Variants in TRAF3 observed in about 807,000 individuals in gnomAD.
The protein encoded by TRAF3 is TNF receptor associated factor 3.
In TRAF3, 13 loss-of-function variants were observed where a neutral mutation model predicts 62.3. The ratio of observed to expected loss-of-function variants is 0.21; its 90% CI spans 0.14 to 0.33. The LOEUF (loss-of-function observed/expected upper bound fraction) is 0.33. Ranked by LOEUF, TRAF3 falls within the 10% of genes least tolerant of loss-of-function variation. The pLI is 1.00. For synonymous variants in TRAF3, 269 were observed against 283.4 expected, an observed-to-expected ratio of 0.95 and a Z score of 0.51; for missense variants, 440 against 741.8, an observed-to-expected ratio of 0.59 and a Z score of 4.73.
intron 1 of TRAF3, among the ~76,000 whole-genome samples, chr14:102,810,498 A>G (rs1420190835): frequency 6.6e-6 from 1 of 152,134 alleles, no homozygotes; most frequent in Non-Finnish European, 1.5e-5. Context: ...TTTTTCTGAG[A>G]TGTGCTCTCC....
intron 2 of TRAF3, among the ~76,000 whole-genome samples, chr14:102,854,210 CT>C (rs902304980): frequency 4.3e-4 from 65 of 151,422 alleles, no homozygotes; most frequent in African/African-American, 1.2e-3. Flanking sequence ...GCTGTTTCTA[CT>C]TTTTTTTTCG....
intron 2 of TRAF3, among the ~76,000 whole-genome samples, chr14:102,862,526 G>A (rs1887741831): frequency 6.6e-6 from 1 of 151,634 alleles, no homozygotes; most frequent in Admixed American, 6.6e-5. Flanking sequence ...AGAAATCCTT[G>A]TACTTGAAGA....
At chr14:102,887,956 G>C (rs564678838) in intron 7 of TRAF3, among the ~76,000 whole-genome samples, 84 of 152,202 alleles carry the variant, frequency 5.5e-4, no homozygotes, top group African/African-American at 1.9e-3. Flanking sequence ...GATGAAAGGT[G>C]CTTTTGAGCT....
chr14:102,781,454 C>T (rs1897269134), intron 1 of TRAF3, among the ~76,000 whole-genome samples: 1 of 152,104 alleles, frequency 6.6e-6, no homozygotes, highest in Admixed American at 6.5e-5. Flanking sequence ...TACCATTTTT[C>T]ATTGCAGGTT....
At chr14:102,834,197 G>A (rs1383266416) in intron 2 of TRAF3, among the ~76,000 whole-genome samples, 7 of 152,050 alleles carry the variant, frequency 4.6e-5, no homozygotes, top group Non-Finnish European at 8.8e-5. Flanking sequence ...CGCAACTTCA[G>A]ACTATACTAC....
At chr14:102,810,162 A>G (rs910102128) in intron 1 of TRAF3, among the ~76,000 whole-genome samples, 3 of 152,218 alleles carry the variant, frequency 2.0e-5, no homozygotes, top group Non-Finnish European at 4.4e-5. Flanking sequence ...TGCTTTACCA[A>G]AAAACAAACA....
chr14:102,904,410 T>C (rs1426172719), intron 11 of TRAF3, among the ~76,000 whole-genome samples: 1 of 152,260 alleles, frequency 6.6e-6, no homozygotes, highest in East Asian at 1.9e-4. Flanking sequence ...GGCATGGTGG[T>C]GTGGCCTATA....
intron 1 of TRAF3, among the ~76,000 whole-genome samples, chr14:102,800,981 A>AT (rs747458472): frequency 0.013 from 1,910 of 151,380 alleles, 25 homozygotes; most frequent in Non-Finnish European, 0.02. Context: ...GATCGAGACC[A>AT]CGGTGAAACC....
At chr14:102,884,913 A>G (rs938572184) in intron 6 of TRAF3, among the ~76,000 whole-genome samples, 1 of 152,170 alleles carries the variant, frequency 6.6e-6, no homozygotes, top group African/African-American at 2.4e-5. Flanking sequence ...CAGATTGCCA[A>G]AGATTGTGCG....
chr14:102,903,384 C>G lies in TRAF3; in HGVS notation c.1090C>G (p.Leu364Val). Residue 364 changes from leucine to valine, a missense_variant, in exon 11 of 12, where the codon CTG becomes GTG. This residue lies in a region of TRAF3 where 41 missense variants were observed against 40.0 expected (regional missense o/e 1.03). Coordinates refer to ENST00000392745, the MANE Select transcript of TRAF3 (RefSeq NM_145725.3). The surrounding 1 kb of genome is among the most constrained non-coding windows in gnomAD (Gnocchi z 6.4). ...VESLQNRVTE[L>V]ESVDKSAGQV... ...GTCCCTCCAGAACCGCGTGACCGAG[C>G]TGGAGAGCGTGGACAAGAGCGCGGG... 6.2e-7 allele frequency: 1 copy of G among 1,614,114 alleles called. No individual in the cohort carries two copies. The highest frequency in any genetic ancestry group is 8.5e-7 in the Non-Finnish European group (1 of 1,180,018).
chr14:102,847,426 C>T (rs1886791149), intron 2 of TRAF3, among the ~76,000 whole-genome samples: 1 of 152,124 alleles, frequency 6.6e-6, no homozygotes, highest in South Asian at 2.1e-4. Flanking sequence ...CCACCCTCCT[C>T]GACCTCCCAA....
rs558935644 is a variant in TRAF3, at chr14:102,896,451, G to A, written c.820-810G>A. Among the ~76,000 whole-genome samples the A allele has an allele frequency of 3.9e-5, 6 of 152,038 alleles. No homozygotes were observed. The East Asian group carries it at 1.2e-3, about 29-fold the overall frequency. On this transcript the variant is annotated intron_variant, in intron 9 of 11. Transcript: ENST00000392745. ...TTTCAGTTAGCATAACATCCTCCAG[G>A]GACTAGTATTTTCTTAAATGAAATG...
At chr14:102,796,688 G>A (rs1182599223) in intron 1 of TRAF3, among the ~76,000 whole-genome samples, 1 of 152,238 alleles carries the variant, frequency 6.6e-6, no homozygotes, top group Non-Finnish European at 1.5e-5. Flanking sequence ...GCCCCGGAAT[G>A]ACTGGCTGCT....
In TRAF3 at chr14:102,826,470, C is replaced by G. The variant is rs537698152; in HGVS notation, c.-156-3864C>G. Among the ~76,000 whole-genome samples the G allele has an allele frequency of 6.6e-6, 1 of 152,058 alleles. No individual in the cohort carries two copies. The highest frequency in any genetic ancestry group is 1.5e-5 in the Non-Finnish European group (1 of 68,008). On this transcript the variant is annotated intron_variant, in intron 1 of 11. Transcript: ENST00000392745. This position sits in a 1 kb window ranked among gnomAD's most constrained non-coding sequence, Gnocchi z 4.6. ...GGAGCTGCTGGAGGTCGGGGGAGCT[C>G]AGGGAAAGGGCCTTGCTGCCAGGGG...
chr14:102,882,491 A>G (rs1889123725), intron 6 of TRAF3, among the ~76,000 whole-genome samples: 1 of 151,596 alleles, frequency 6.6e-6, no homozygotes, highest in African/African-American at 2.4e-5. Flanking sequence ...CCTTTGCTCC[A>G]GGCCTGGTTC....
chr14:102,879,441 A>G (rs1888914270), intron 6 of TRAF3, among the ~76,000 whole-genome samples: 1 of 151,886 alleles, frequency 6.6e-6, no homozygotes, highest in Non-Finnish European at 1.5e-5. Flanking sequence ...TATTTTTTGT[A>G]GAGACAGGGT....
chr14:102,812,977 G>A (rs920270240), intron 1 of TRAF3, among the ~76,000 whole-genome samples: 1 of 151,922 alleles, frequency 6.6e-6, no homozygotes, highest in Non-Finnish European at 1.5e-5. Context: ...TTATTTATTT[G>A]TTTATTTATT....
intron 2 of TRAF3, among the ~76,000 whole-genome samples, chr14:102,841,646 A>G (rs889590506): frequency 1.3e-5 from 2 of 152,218 alleles, no homozygotes; most frequent in African/African-American, 2.4e-5. Flanking sequence ...CCCCGACTAT[A>G]TTTAAAAAGG....
chr14:102,859,158 A>G (rs1000754869), intron 2 of TRAF3, among the ~76,000 whole-genome samples: 1 of 151,022 alleles, frequency 6.6e-6, no homozygotes, highest in Admixed American at 6.6e-5. Context: ...GCTTTATCCT[A>G]ACTTAAAACA....
Sources: allele counts gnomAD v4.1 joint callset (sites outside exome capture counted in the v4.1 genomes callset), GRCh38; gene constraint gnomAD v4.1.1; regional missense constraint gnomAD v4.1.1; non-coding constraint Gnocchi (gnomAD v3.1); transcripts MANE v1.5; gene names NCBI Gene and HGNC (gene_info 2026-07-23, HGNC 2026-07-21).